The following SORCS2 variants were observed in gnomAD, a reference collection of about 807,000 sequenced individuals.
The protein encoded by SORCS2 is sortilin related VPS10 domain containing receptor 2.
SORCS2 carries 100 observed loss-of-function variants against 141.6 expected under a neutral mutation model. The observed-to-expected ratio is 0.71, with a 90% CI of 0.60 to 0.83. The LOEUF is 0.83. Among genes scored for constraint, SORCS2 ranks in the 40% least tolerant of loss-of-function variants. The pLI, the probability that SORCS2 is intolerant of heterozygous loss-of-function variation, is 0.00. For synonymous variants in SORCS2, 789 were observed against 676.9 expected (o/e 1.17, Z -2.57); for missense variants, 1,646 against 1,560.2 (o/e 1.05, Z -0.93).
At chr4:7,433,080 C>T (rs978837221) in intron 2 of SORCS2, 46 of 371,996 alleles carry the variant, frequency 1.2e-4, no homozygotes, top group Non-Finnish European at 1.7e-4. Flanking sequence ...GGTCAGGGAG[C>T]GGGGCACATG....
chr4:7,740,349 C>A lies in SORCS2; in HGVS notation c.*85C>A. ...CGGCTGGACTGGCGCCCCTCAGAGA[C>A]CTGCGGAAAGCCCCCTCCCTGAGTC... On this transcript the variant is annotated 3_prime_UTR_variant, in exon 27 of 27. Transcript: ENST00000507866. 7.9e-7 allele frequency: 1 copy of A among 1,273,160 alleles called. No homozygotes were observed. The highest frequency in any genetic ancestry group is 2.5e-5 in the East Asian group (1 of 40,054). 78.9% of individuals were successfully genotyped at this position (1,273,160 alleles called of 1,614,324 possible). A position where few individuals can be genotyped will look rare whatever the true frequency, so the allele number is the denominator to read the frequency against.
At chr4:7,443,516 C>A (rs1577572155) in intron 2 of SORCS2, among the ~76,000 whole-genome samples, 1 of 152,206 alleles carries the variant, frequency 6.6e-6, no homozygotes, top group East Asian at 1.9e-4. Flanking sequence ...GTCCCTACAA[C>A]CCGAAACCTT....
In SORCS2 at chr4:7,528,536, G is replaced by A. The variant is rs1043593378; in HGVS notation, c.549-2994G>A. ...CACCTCCTGGGTTCAAGAGATTCTCGTGCCTCAGCCTCCTGAGTACCTGGG... is the reference window on the plus strand; with the variant it reads ...CACCTCCTGGGTTCAAGAGATTCTCATGCCTCAGCCTCCTGAGTACCTGGG... On this transcript the variant is annotated intron_variant, in intron 2 of 26. Coordinates refer to ENST00000507866, the MANE Select transcript of SORCS2 (RefSeq NM_020777.3). Among the ~76,000 whole-genome samples the A allele has an allele frequency of 2.6e-5, 4 of 151,836 alleles. No homozygotes were observed. The East Asian group carries it at 5.8e-4, about 22-fold the overall frequency.
intron 2 of SORCS2, among the ~76,000 whole-genome samples, chr4:7,478,862 C>G (rs1050458465): frequency 1.3e-5 from 2 of 152,158 alleles, no homozygotes; most frequent in Non-Finnish European, 2.9e-5. Context: ...AGGCCTGGGT[C>G]GGGGACCCTT....
At chr4:7,362,232 G>C (rs1487369042) in intron 1 of SORCS2, among the ~76,000 whole-genome samples, 1 of 152,084 alleles carries the variant, frequency 6.6e-6, no homozygotes, top group Non-Finnish European at 1.5e-5. Flanking sequence ...GTCGTCCTCT[G>C]AATGCCTAAG....
At chr4:7,519,314 A>G (rs552000188) in intron 2 of SORCS2, among the ~76,000 whole-genome samples, 3 of 152,326 alleles carry the variant, frequency 2.0e-5, no homozygotes, top group African/African-American at 7.2e-5. Context: ...GTGCCATTTT[A>G]AGACCTCCAG....
At chr4:7,618,827 C>T (rs557046263) in intron 3 of SORCS2, among the ~76,000 whole-genome samples, 1 of 121,370 alleles carries the variant, frequency 8.2e-6, no homozygotes, top group South Asian at 3.1e-4. Flanking sequence ...TTGTCTGAGC[C>T]ATGTGCGCAA....
At chr4:7,622,624 C>T (rs901168054) in intron 3 of SORCS2, among the ~76,000 whole-genome samples, 22 of 152,094 alleles carry the variant, frequency 1.4e-4, no homozygotes, top group African/African-American at 4.6e-4. Flanking sequence ...GGCGCCTGGC[C>T]GGGCTCTGTC....
intron 3 of SORCS2, among the ~76,000 whole-genome samples, chr4:7,582,746 A>G (rs1716244902): frequency 6.6e-6 from 1 of 152,218 alleles, no homozygotes; most frequent in South Asian, 2.1e-4. Flanking sequence ...CTCTATGGCC[A>G]CACCACATCC....
chr4:7,308,226 C>T (rs1421913119), intron 1 of SORCS2, among the ~76,000 whole-genome samples: 3 of 152,186 alleles, frequency 2.0e-5, no homozygotes, highest in Non-Finnish European at 4.4e-5. Flanking sequence ...TCAGTGTTTT[C>T]CACTCCAGGA....
intron 1 of SORCS2, among the ~76,000 whole-genome samples, chr4:7,352,915 T>C (rs1379385074): frequency 6.6e-6 from 1 of 152,178 alleles, no homozygotes; most frequent in Admixed American, 6.5e-5. Flanking sequence ...CCTTGGAACC[T>C]CCTAACACCC....
At chr4:7,384,980 C>T (rs1460107270) in intron 1 of SORCS2, among the ~76,000 whole-genome samples, 1 of 152,242 alleles carries the variant, frequency 6.6e-6, no homozygotes, top group Non-Finnish European at 1.5e-5. Context: ...CACTGCAGCT[C>T]TGATGGCTCC....
intron 2 of SORCS2, chr4:7,435,051 C>T (rs1032911473): frequency 9.6e-6 from 7 of 729,858 alleles, no homozygotes; most frequent in Admixed American, 3.0e-5. Context: ...CGCCTTTGCT[C>T]TTGGAGTGCC....
chr4:7,349,145 G>A (rs547035816), intron 1 of SORCS2, among the ~76,000 whole-genome samples: 1 of 152,238 alleles, frequency 6.6e-6, no homozygotes, highest in East Asian at 1.9e-4. Flanking sequence ...CATTGCGCAA[G>A]GTTTGGAGTG....
chr4:7,209,515 G>T (rs1305626871), intron 1 of SORCS2, among the ~76,000 whole-genome samples: 2 of 152,122 alleles, frequency 1.3e-5, no homozygotes, highest in Non-Finnish European at 2.9e-5. Flanking sequence ...CCAGCGTGAG[G>T]CTGGCTTCTG....
chr4:7,263,845 G>A (rs1714532647), intron 1 of SORCS2, among the ~76,000 whole-genome samples: 1 of 152,222 alleles, frequency 6.6e-6, no homozygotes, highest in Non-Finnish European at 1.5e-5. Context: ...CGTGGACACT[G>A]GTTCATCCAC....
intron 3 of SORCS2, among the ~76,000 whole-genome samples, chr4:7,541,971 A>G (rs1712709215): frequency 6.6e-6 from 1 of 152,170 alleles, no homozygotes; most frequent in Non-Finnish European, 1.5e-5. Context: ...CCCCCCAGCC[A>G]TGTGCAGGAC....
At chr4:7,464,678 A>C (rs1304250462) in intron 2 of SORCS2, among the ~76,000 whole-genome samples, 1 of 152,228 alleles carries the variant, frequency 6.6e-6, no homozygotes, top group Non-Finnish European at 1.5e-5. Context: ...GATCCCAAAA[A>C]ATGGTGTACT....
At chr4:7,375,279 G>C (rs761748096) in intron 1 of SORCS2, among the ~76,000 whole-genome samples, 6 of 152,176 alleles carry the variant, frequency 3.9e-5, no homozygotes, top group Non-Finnish European at 7.3e-5. Flanking sequence ...ATTGAATAAG[G>C]GTGTTGGACA....
Sources: allele counts gnomAD v4.1 joint callset (sites outside exome capture counted in the v4.1 genomes callset), GRCh38; gene constraint gnomAD v4.1.1; transcripts MANE v1.5; gene names NCBI Gene and HGNC (gene_info 2026-07-23, HGNC 2026-07-21).